Variants in MAGI2 observed in about 807,000 individuals in gnomAD.
MAGI2 encodes membrane-associated guanylate kinase, WW and PDZ domain-containing protein 2.
MAGI2 carries 35 observed loss-of-function variants against 133.3 expected under a neutral mutation model. The ratio of observed to expected loss-of-function variants is 0.26; its 90% confidence interval spans 0.20 to 0.35. MAGI2 has a LOEUF of 0.35. Ranked by LOEUF, MAGI2 falls within the 10% of genes least tolerant of loss-of-function variation. The probability of loss-of-function intolerance (pLI) is 1.00; values close to 1 mark genes in which losing one functional copy is unlikely to be tolerated. For synonymous variants in MAGI2, 729 were observed against 710.6 expected (o/e 1.03, Z -0.41); for missense variants, 1,636 against 1,863.4 (o/e 0.88, Z 2.25).
intron 1 of MAGI2, among the ~76,000 whole-genome samples, chr7:79,027,038 C>A (rs1327055502): frequency 6.6e-6 from 1 of 151,974 alleles, no homozygotes; most frequent in Non-Finnish European, 1.5e-5. Flanking sequence ...GTCATCCTGA[C>A]AGATGAAAGA....
At chr7:79,077,576 A>AG in intron 1 of MAGI2, among the ~76,000 whole-genome samples, 1 of 69,836 alleles carries the variant, frequency 1.4e-5, no homozygotes, top group Non-Finnish European at 3.6e-5. Flanking sequence ...CTGCCTCTCA[A>AG]AAAAAAAAAA....
chr7:78,289,301 G>C (rs1202777019), intron 9 of MAGI2, among the ~76,000 whole-genome samples: 1 of 152,144 alleles, frequency 6.6e-6, no homozygotes, highest in African/African-American at 2.4e-5. Flanking sequence ...TGAGAACTAT[G>C]TGATGCATGC....
At chr7:78,634,340 C>CTTTAGTTTT (rs779125117) in intron 2 of MAGI2, among the ~76,000 whole-genome samples, 23 of 152,302 alleles carry the variant, frequency 1.5e-4, no homozygotes, top group Non-Finnish European at 1.9e-4. Flanking sequence ...GCTCACAAAA[C>CTTTAGTTTT]CTGATTAGTA....
intron 1 of MAGI2, among the ~76,000 whole-genome samples, chr7:79,076,630 GT>G: frequency 6.6e-6 from 1 of 152,294 alleles, no homozygotes; most frequent in African/African-American, 2.4e-5. Context: ...CCGTTTTCCT[GT>G]ATGAGAGGAA....
At chr7:78,305,726 C>T (rs1798199062) in intron 9 of MAGI2, among the ~76,000 whole-genome samples, 1 of 152,140 alleles carries the variant, frequency 6.6e-6, no homozygotes, top group Admixed American at 6.6e-5. Context: ...ATGAAAGAGC[C>T]TGTTCCTTTT....
chr7:78,720,168 G>A (rs1386018175), intron 2 of MAGI2, among the ~76,000 whole-genome samples: 1 of 152,024 alleles, frequency 6.6e-6, no homozygotes, highest in African/African-American at 2.4e-5. Flanking sequence ...AATAAATCCT[G>A]CCTTCCTAAG....
intron 1 of MAGI2, among the ~76,000 whole-genome samples, chr7:79,235,550 C>T (rs947322883): frequency 3.9e-5 from 6 of 152,188 alleles, no homozygotes; most frequent in South Asian, 2.1e-4. Context: ...GGGAGTGACC[C>T]GATTTTCCAG....
At position 78,976,459 on chromosome 7, in the gene MAGI2, G is replaced by A. The variant is rs10244903; in HGVS notation, c.418+30631C>T. On this transcript the variant is annotated intron_variant, in intron 2 of 21. Coordinates refer to ENST00000354212, the MANE Select transcript of MAGI2 (RefSeq NM_012301.4). The stretch of plus-strand genomic sequence containing the variant: ...CAGAACATCCACAAAAAATAAATAA[G>A]TAAATAAATAAATAAATAAATAAAT... Among the ~76,000 whole-genome samples, 18 of 150,772 alleles carry A rather than the reference G, an allele frequency of 1.2e-4. No individual in the cohort carries two copies. The East Asian group carries it at 3.3e-3, about 28-fold the overall frequency.
At chr7:78,569,896 C>T (rs943957526) in intron 3 of MAGI2, among the ~76,000 whole-genome samples, 16 of 152,248 alleles carry the variant, frequency 1.1e-4, no homozygotes, top group East Asian at 3.9e-4. Context: ...TTATCCAGTA[C>T]GTAATCTTTT....
chr7:78,788,390 C>T (rs571531332), intron 2 of MAGI2, among the ~76,000 whole-genome samples: 11 of 152,122 alleles, frequency 7.2e-5, no homozygotes, highest in Non-Finnish European at 1.5e-4. Context: ...TTTCCCATAG[C>T]TTTCAGGTTA....
At chr7:78,558,526 A>G (rs566040140) in intron 3 of MAGI2, among the ~76,000 whole-genome samples, 1 of 152,362 alleles carries the variant, frequency 6.6e-6, no homozygotes, top group African/African-American at 2.4e-5. Context: ...AACATGAGGC[A>G]GTGAAAATGG....
intron 1 of MAGI2, among the ~76,000 whole-genome samples, chr7:79,427,379 A>G (rs1458382687): frequency 1.3e-5 from 2 of 152,150 alleles, no homozygotes; most frequent in Non-Finnish European, 2.9e-5. Flanking sequence ...AAGTAAAATT[A>G]AAAAATTAAT....
At chr7:78,227,659 G>C (rs900387353) in intron 10 of MAGI2, among the ~76,000 whole-genome samples, 1 of 152,134 alleles carries the variant, frequency 6.6e-6, no homozygotes, top group Non-Finnish European at 1.5e-5. Context: ...TCATGTGCAT[G>C]AACTCCACCT....
At chr7:78,159,331 G>C (rs1254774560) in intron 16 of MAGI2, among the ~76,000 whole-genome samples, 1 of 152,096 alleles carries the variant, frequency 6.6e-6, no homozygotes, top group Non-Finnish European at 1.5e-5. Context: ...TTCCACTCTT[G>C]CTTTCTCCCC....
intron 20 of MAGI2, among the ~76,000 whole-genome samples, chr7:78,087,778 C>T (rs546239227): frequency 6.6e-6 from 1 of 152,242 alleles, no homozygotes; most frequent in South Asian, 2.1e-4. Context: ...ATAATCCAAA[C>T]CCTAAACTAA....
At chr7:78,370,896 C>T (rs573550882) in intron 6 of MAGI2, among the ~76,000 whole-genome samples, 1 of 151,998 alleles carries the variant, frequency 6.6e-6, no homozygotes, top group African/African-American at 2.4e-5. Flanking sequence ...TTTAAACTTA[C>T]AACACCAAAT....
chr7:78,960,366 C>T (rs1330308664), intron 2 of MAGI2, among the ~76,000 whole-genome samples: 2 of 152,032 alleles, frequency 1.3e-5, no homozygotes, highest in Non-Finnish European at 2.9e-5. Context: ...GTTACGTCAG[C>T]GTAGACTCAG....
At chr7:79,065,928 T>C (rs1004225798) in intron 1 of MAGI2, among the ~76,000 whole-genome samples, 1 of 152,194 alleles carries the variant, frequency 6.6e-6, no homozygotes, top group Non-Finnish European at 1.5e-5. Context: ...CCATGGTGTA[T>C]ATGTGCCACA....
At chr7:79,441,040 T>A (rs1050163286) in intron 1 of MAGI2, among the ~76,000 whole-genome samples, 3 of 152,238 alleles carry the variant, frequency 2.0e-5, no homozygotes, top group African/African-American at 7.2e-5. Context: ...GGAATTTACT[T>A]TTCCTTACTT....
Sources: gnomAD v4.1 joint callset for allele counts (sites outside exome capture counted in the v4.1 genomes callset) on GRCh38, gnomAD v4.1.1 for gene constraint, MANE v1.5 for transcripts, NCBI Gene and HGNC (gene_info 2026-07-23, HGNC 2026-07-21) for gene names.